Variants in LCORL observed in about 807,000 individuals in gnomAD.
The protein encoded by LCORL is ligand dependent nuclear receptor corepressor like, also known as ligand-dependent nuclear receptor corepressor-like protein.
LCORL carries 41 observed loss-of-function variants against 141.8 expected under a neutral mutation model. The observed-to-expected ratio is 0.29, with a 90% CI of 0.23 to 0.38. LCORL has a LOEUF of 0.38. LCORL is among the 10% of genes least tolerant of loss of function. The pLI is 1.00. For synonymous variants in LCORL, 618 were observed against 694.1 expected, an observed-to-expected ratio of 0.89 and a Z score of 1.72; for missense variants, 1,759 against 2,035.0, an observed-to-expected ratio of 0.86 and a Z score of 2.61.
At chr4:17,999,225 G>A (rs937467735) in intron 1 of LCORL, among the ~76,000 whole-genome samples, 16 of 114,574 alleles carry the variant, frequency 1.4e-4, no homozygotes, top group East Asian at 5.2e-4. Context: ...AGGCCGAGGC[G>A]GGAGGATTAC....
intron 4 of LCORL, among the ~76,000 whole-genome samples, chr4:17,952,414 ATTT>A (rs60765138): frequency 4.4e-5 from 6 of 135,810 alleles, no homozygotes; most frequent in African/African-American, 8.3e-5. Context: ...CTCAAAAACA[ATTT>A]TTTTTTTTTT....
intron 5 of LCORL, 137 bp downstream of exon 5, chr4:17,908,957 C>T: frequency 3.9e-6 from 3 of 760,870 alleles, no homozygotes; most frequent in Non-Finnish European, 5.9e-6. Flanking sequence ...TACTTCTCTC[C>T]AGCACATATT....
intron 7 of LCORL, among the ~76,000 whole-genome samples, chr4:17,871,185 T>C (rs1726293195): frequency 6.6e-6 from 1 of 151,726 alleles, no homozygotes; most frequent in Non-Finnish European, 1.5e-5. Context: ...ATCAGATAAA[T>C]ATTAACAAAT....
intron 5 of LCORL, among the ~76,000 whole-genome samples, chr4:17,898,653 T>TTTTTTTG (rs1491138476): frequency 1.4e-4 from 2 of 14,480 alleles, no homozygotes; most frequent in African/African-American, 4.6e-4. Context: ...ATTCTCACCG[T>TTTTTTTG]TTTTTTTTTT....
intron 7 of LCORL, among the ~76,000 whole-genome samples, chr4:17,870,879 A>T (rs1726264024): frequency 6.6e-6 from 1 of 152,182 alleles, no homozygotes; most frequent in Non-Finnish European, 1.5e-5. Flanking sequence ...GGTGAAGTAT[A>T]AATTTAAAAA....
At chr4:17,879,203 T>C (rs1206313146) in intron 6 of LCORL, among the ~76,000 whole-genome samples, 2 of 151,112 alleles carry the variant, frequency 1.3e-5, no homozygotes, top group East Asian at 3.9e-4. Context: ...TCATCTATAT[T>C]AAAAATTATA....
intron 6 of LCORL, chr4:17,883,087 A>G (rs1409154908): frequency 3.7e-5 from 36 of 970,394 alleles, no homozygotes; most frequent in Non-Finnish European, 4.4e-5. Context: ...CAACTATTAA[A>G]TGATAAATAT....
chr4:17,967,810 G>C (rs1715201361), intron 2 of LCORL, among the ~76,000 whole-genome samples: 1 of 151,928 alleles, frequency 6.6e-6, no homozygotes, highest in Non-Finnish European at 1.5e-5. Context: ...GGTAATCGCA[G>C]TTTCTGCCTT....
At position 18,021,718 on chromosome 4, in the gene LCORL, C is replaced by A; in HGVS notation, c.34G>T (p.Ala12Ser). The change falls in exon 1 of 8, where the codon GCC becomes TCC. Residue 12 changes from alanine to serine, a missense_variant. By Grantham distance (99) the Ala-to-Ser change is moderately conservative. Coordinates refer to ENST00000635767, the Ensembl canonical transcript of LCORL. The surrounding 1 kb of genome is among the most constrained non-coding windows in gnomAD (Gnocchi z 5.5). Reference sequence around the variant, plus strand: ...GCGGCGGCGGCGGCAGCAGCGGCGGCGGCAGCGGCCATTCTCTCTCTTCCC... The same window carrying A: ...GCGGCGGCGGCGGCAGCAGCGGCGGAGGCAGCGGCCATTCTCTCTCTTCCC... The A allele has an allele frequency of 6.6e-7, 1 of 1,525,790 alleles. No homozygotes were observed. The highest frequency in any genetic ancestry group is 2.5e-5 in the East Asian group (1 of 39,900). The allele number at this position is 1,525,790 out of a possible 1,614,324, so 94.5% of individuals were successfully genotyped here. A position where few individuals can be genotyped will look rare whatever the true frequency, so the allele number is the denominator to read the frequency against.
At chr4:17,890,626 T>C (rs1728936675) in intron 5 of LCORL, among the ~76,000 whole-genome samples, 1 of 152,088 alleles carries the variant, frequency 6.6e-6, no homozygotes, top group African/African-American at 2.4e-5. Context: ...AGACGGGTCA[T>C]TTAACACTAT....
At chr4:18,012,706 C>T (rs1577734976) in intron 1 of LCORL, among the ~76,000 whole-genome samples, 1 of 152,112 alleles carries the variant, frequency 6.6e-6, no homozygotes, top group South Asian at 2.1e-4. Context: ...AGAATCCATA[C>T]TAAGAGATTA....
chr4:17,994,777 G>GA (rs11430331), intron 1 of LCORL, among the ~76,000 whole-genome samples: 9,408 of 147,974 alleles, frequency 0.064, 857 homozygotes, highest in African/African-American at 0.2. Flanking sequence ...GAGTAATAGG[G>GA]AAAAAAAAAA....
chr4:17,873,745 T>C, exon 7 of LCORL: 1 of 1,233,978 alleles, frequency 8.1e-7, no homozygotes, highest in Non-Finnish European at 1.0e-6. Flanking sequence ...GGAGAGTAAA[T>C]GATTGTATTT....
intron 6 of LCORL, among the ~76,000 whole-genome samples, chr4:17,878,863 T>C (rs890257443): frequency 2.6e-5 from 4 of 151,324 alleles, no homozygotes; most frequent in African/African-American, 4.8e-5. Flanking sequence ...AAGTTTCAAA[T>C]GCTGGAAAAT....
At chr4:17,849,668 G>T (rs1345856115) in intron 7 of LCORL, among the ~76,000 whole-genome samples, 1 of 152,174 alleles carries the variant, frequency 6.6e-6, no homozygotes, top group East Asian at 1.9e-4. Flanking sequence ...AACAAAGCTG[G>T]ACGGAAGAAT....
intron 4 of LCORL, among the ~76,000 whole-genome samples, chr4:17,949,002 C>T (rs150268167): frequency 7.8e-4 from 118 of 152,142 alleles, no homozygotes; most frequent in African/African-American, 2.8e-3. Flanking sequence ...AGGGGTTTAA[C>T]AGATATCTGG....
rs1004794046 is a variant in LCORL at position 17,850,829 on chromosome 4, G to A, written c.5603-4928C>T. 6.8e-3 allele frequency among the ~76,000 whole-genome samples: 1,012 copies of A among 147,870 alleles called. 16 individuals are homozygous for A. Among genetic ancestry groups the A allele is most frequent in the African/African-American group, 0.024 (959 of 40,592 alleles). The stretch of plus-strand genomic sequence containing the variant: ...TGCTGCTATAAAGACACATGCACAC[G>A]TATGTTTATTGCGGCACTATTCACA... On this transcript the variant is annotated intron_variant, in intron 7 of 7. Transcript: ENST00000635767.
In LCORL at chr4:17,920,395, TAAC is replaced by T. The variant is rs1404871922; in HGVS notation, c.431-11053_431-11051del. The stretch of plus-strand genomic sequence containing the variant: ...AGAATACCTTATTGTTAAAAATTTC[TAAC>T]AATCATCTCAACCTTCAGCAAGTGG... On this transcript the variant is annotated intron_variant, in intron 4 of 7. Coordinates refer to ENST00000635767, the Ensembl canonical transcript of LCORL. Among the ~76,000 whole-genome samples, 4 of 152,358 alleles carry T rather than the reference TAAC, an allele frequency of 2.6e-5. No individual in the cohort carries two copies. The East Asian group carries it at 7.7e-4, about 29-fold the overall frequency.
At chr4:17,860,455 A>C (rs1420273578) in intron 7 of LCORL, among the ~76,000 whole-genome samples, 1 of 152,202 alleles carries the variant, frequency 6.6e-6, no homozygotes, top group African/African-American at 2.4e-5. Context: ...CAAGAAGAGC[A>C]TGTGAAAGAC....
Sources: allele counts gnomAD v4.1 joint callset (sites outside exome capture counted in the v4.1 genomes callset), GRCh38; gene constraint gnomAD v4.1.1; non-coding constraint Gnocchi (gnomAD v3.1); transcripts MANE v1.5; gene names NCBI Gene and HGNC (gene_info 2026-07-23, HGNC 2026-07-21).